DOP1A: variants seen among roughly 807,000 people sequenced by gnomAD.
DOP1A encodes the protein DOP1 leucine zipper like protein A.
DOP1A carries 90 observed loss-of-function variants against 267.6 expected under a neutral mutation model. The observed-to-expected ratio is 0.34, with a 90% CI of 0.28 to 0.40. The LOEUF (loss-of-function observed/expected upper bound fraction) is 0.40. DOP1A is among the 10% of genes least tolerant of loss of function. DOP1A has a pLI of 1.00. For missense variants in DOP1A, 2,437 were observed against 2,900.4 expected, an observed-to-expected ratio of 0.84 and a Z score of 3.67; for synonymous variants, 932 against 999.1, an observed-to-expected ratio of 0.93 and a Z score of 1.27.
intron 37 of DOP1A, among the ~76,000 whole-genome samples, chr6:83,162,435 T>G (rs971075599): frequency 6.6e-6 from 1 of 152,164 alleles, no homozygotes; most frequent in African/African-American, 2.4e-5. Context: ...TACAAAGAGA[T>G]AAGCTAAATG....
In DOP1A at chr6:83,117,884, GT is replaced by G. The variant is rs1775722722; in HGVS notation, c.781-1002del. 2.0e-5 allele frequency among the ~76,000 whole-genome samples: 3 copies of G among 152,322 alleles called. No individual in the cohort carries two copies. The South Asian group carries it at 6.2e-4, about 32-fold the overall frequency. On this transcript the variant is annotated intron_variant, in intron 7 of 38. Transcript: ENST00000349129. ...AATTCGTCAATTGTTGGTGATCTGTGTTCTGTATCATCTCAGTTATTTCTCT... is the reference window on the plus strand; with the variant it reads ...AATTCGTCAATTGTTGGTGATCTGTGTCTGTATCATCTCAGTTATTTCTCT...
intron 30 of DOP1A, 137 bp downstream of exon 30, chr6:83,152,504 T>C (rs992171090): frequency 1.2e-5 from 5 of 402,248 alleles, no homozygotes; most frequent in South Asian, 1.1e-4. Flanking sequence ...AGAATTAATA[T>C]AAAGTTTTGG....
rs1192304904 is a variant in DOP1A, at chr6:83,153,560, G to A, written c.6179G>A (p.Arg2060Gln). The A allele has an allele frequency of 3.1e-6, 5 of 1,609,440 alleles. No individual in the cohort carries two copies. The highest frequency in any genetic ancestry group is 2.2e-5 in the East Asian group (1 of 44,464). The part of the protein sequence containing the change: ...DMVFYSDEKE[R>Q]VIPLLVNIMH... ...GTTTTCTATAGTGATGAAAAGGAGC[G>A]GGTTATTCCTTTACTTGTAAATATT... is the stretch of plus-strand genomic sequence containing the variant. The change falls in exon 31 of 39, where the codon CGG becomes CAG. Residue 2060 changes from arginine (R) to glutamine (Q), a missense_variant. By Grantham distance (43) the Arg-to-Gln change is conservative. This residue lies in a region of DOP1A where 216 missense variants were observed against 283.3 expected (regional missense o/e 0.76). Coordinates refer to ENST00000349129, the MANE Select transcript of DOP1A (RefSeq NM_015018.4).
chr6:83,070,789 A>G (rs965245271), intron 1 of DOP1A, among the ~76,000 whole-genome samples: 1 of 151,888 alleles, frequency 6.6e-6, no homozygotes, highest in Admixed American at 6.6e-5. Flanking sequence ...AACATATAGC[A>G]GGCACTTATT....
chr6:83,085,666 A>T (rs1425195460), intron 1 of DOP1A, among the ~76,000 whole-genome samples: 13 of 152,168 alleles, frequency 8.5e-5, no homozygotes, highest in Admixed American at 8.5e-4. Flanking sequence ...TATAGCTAAG[A>T]TGTTGCTGTT....
At chr6:83,113,640 T>C (rs1309502955) in intron 7 of DOP1A, among the ~76,000 whole-genome samples, 1 of 152,206 alleles carries the variant, frequency 6.6e-6, no homozygotes, top group Non-Finnish European at 1.5e-5. Flanking sequence ...TTGAAGTAGA[T>C]TATTTCATAC....
intron 24 of DOP1A, among the ~76,000 whole-genome samples, chr6:83,142,805 T>C (rs1386630378): frequency 6.6e-6 from 1 of 152,122 alleles, no homozygotes; most frequent in Non-Finnish European, 1.5e-5. Context: ...GCTGTTGGTC[T>C]TAGCTGAGTT....
chr6:83,097,180 G>C, intron 3 of DOP1A, 65 bp downstream of exon 3: 1 of 1,524,576 alleles, frequency 6.6e-7, no homozygotes, highest in Non-Finnish European at 8.9e-7. Flanking sequence ...GTACTTGTTA[G>C]ATTTCTCGAA....
At chr6:83,078,800 G>A (rs1329727315) in intron 1 of DOP1A, among the ~76,000 whole-genome samples, 1 of 151,996 alleles carries the variant, frequency 6.6e-6, no homozygotes, top group Non-Finnish European at 1.5e-5. Context: ...ACCTTATTTT[G>A]GTTCTTATTC....
intron 6 of DOP1A, among the ~76,000 whole-genome samples, chr6:83,112,312 TAA>T (rs1174316995): frequency 6.6e-6 from 1 of 151,578 alleles, no homozygotes; most frequent in Non-Finnish European, 1.5e-5. Context: ...AATAAAGAAA[TAA>T]GAGTTTAAAC....
rs775279046 is a variant in DOP1A at position 83,110,157 on chromosome 6, C to T, written c.524C>T (p.Ala175Val). Residue 175 changes from alanine (A) to valine (V), a missense_variant, in exon 6 of 39, where the codon GCT (alanine) becomes GTT (valine). Around this residue, in one of 9 missense-constraint regions of DOP1A, gnomAD observed 251 missense variants for 359.1 expected, o/e 0.70. Coordinates refer to ENST00000349129, the MANE Select transcript of DOP1A (RefSeq NM_015018.4). The stretch of plus-strand genomic sequence containing the variant: ...ATGTTGTTGGAAAAGGTTGCTGCTG[C>T]TGTGGACCAGTCAGCATTCTACAGT... ...TNMLLEKVAAAVDQSAFYSAL... is the reference protein window; with the variant it reads ...TNMLLEKVAAVVDQSAFYSAL... 3.7e-6 allele frequency: 6 copies of T among 1,609,884 alleles called. No individual in the cohort carries two copies. Among genetic ancestry groups the T allele is most frequent in the Non-Finnish European group, 5.1e-6 (6 of 1,178,248 alleles).
chr6:83,138,462 G>C lies in DOP1A; in HGVS notation c.4420G>C (p.Val1474Leu). Residue 1474 changes from valine (V) to leucine (L), a missense_variant, in exon 21 of 39, where the codon GTT becomes CTT. Val to Leu is a conservative substitution (Grantham distance 32). This residue lies in a region of DOP1A where 878 missense variants were observed against 992.9 expected (regional missense o/e 0.88). Coordinates refer to ENST00000349129, the MANE Select transcript of DOP1A (RefSeq NM_015018.4). ...MRSHYPTHVKVTAQDLIGNRN... is the reference protein window; with the variant it reads ...MRSHYPTHVKLTAQDLIGNRN... ...TAGCCATTACCCAACTCATGTCAAGGTTACTGCACAAGATTTAATAGGCAA... is the reference window on the plus strand; with the variant it reads ...TAGCCATTACCCAACTCATGTCAAGCTTACTGCACAAGATTTAATAGGCAA... The C allele has an allele frequency of 6.2e-7, 1 of 1,612,774 alleles. No individual in the cohort carries two copies. Among genetic ancestry groups the C allele is most frequent in the Non-Finnish European group, 8.5e-7 (1 of 1,179,886 alleles).
At chr6:83,103,197 G>A (rs893119648) in intron 4 of DOP1A, among the ~76,000 whole-genome samples, 4 of 152,176 alleles carry the variant, frequency 2.6e-5, no homozygotes, top group African/African-American at 4.8e-5. Context: ...TAACCTGAAT[G>A]GAATTGGAGA....
intron 1 of DOP1A, among the ~76,000 whole-genome samples, chr6:83,081,479 G>A (rs536724710): frequency 3.3e-5 from 5 of 152,204 alleles, no homozygotes; most frequent in East Asian, 1.9e-4. Context: ...TCAGTAAATC[G>A]TGTTGGGAAA....
chr6:83,097,187 C>T (rs750375056), intron 3 of DOP1A, 72 bp downstream of exon 3: 16 of 1,491,980 alleles, frequency 1.1e-5, no homozygotes, highest in Admixed American at 6.2e-5. Context: ...TTAGATTTCT[C>T]GAAATCTTGA....
intron 17 of DOP1A, among the ~76,000 whole-genome samples, chr6:83,130,703 G>A (rs992071846): frequency 6.6e-5 from 10 of 152,066 alleles, no homozygotes; most frequent in Admixed American, 2.0e-4. Flanking sequence ...AGAGGAAAGC[G>A]GTAGAACTTA....
intron 1 of DOP1A, among the ~76,000 whole-genome samples, chr6:83,085,822 T>C (rs1769104681): frequency 6.7e-6 from 1 of 150,308 alleles, no homozygotes; most frequent in African/African-American, 2.5e-5. Flanking sequence ...TGTTATGTTA[T>C]GTTATGTTAT....
intron 29 of DOP1A, 110 bp from the exon 30 acceptor site, chr6:83,152,178 C>CATATACATATAT: frequency 1.3e-6 from 1 of 754,522 alleles, no homozygotes. Context: ...TATATATATA[C>CATATACATATAT]ATATACATAT....
intron 18 of DOP1A, 97 bp from the exon 19 acceptor site, chr6:83,134,090 C>A: frequency 2.3e-6 from 2 of 877,742 alleles, no homozygotes; most frequent in Non-Finnish European, 3.4e-6. Flanking sequence ...GGACGTTGAA[C>A]GTAATACAGT....
Sources: gnomAD v4.1 joint callset for allele counts (sites outside exome capture counted in the v4.1 genomes callset) on GRCh38, gnomAD v4.1.1 for gene constraint, gnomAD v4.1.1 regional missense constraint, MANE v1.5 for transcripts, NCBI Gene and HGNC (gene_info 2026-07-23, HGNC 2026-07-21) for gene names.